Variants in ROR1 observed in about 807,000 individuals in gnomAD.
ROR1 encodes inactive tyrosine-protein kinase transmembrane receptor ROR1.
Under a neutral mutation model 78.8 loss-of-function variants are expected in ROR1, and 19 were observed. The ratio of observed to expected loss-of-function variants is 0.24; its 90% CI spans 0.17 to 0.35. The LOEUF is 0.35. Among genes scored for constraint, ROR1 ranks in the 10% least tolerant of loss-of-function variants. ROR1 has a pLI of 1.00. For missense variants in ROR1, 917 were observed against 1,177.8 expected (o/e 0.78, Z 3.24); for synonymous variants, 386 against 433.6 (o/e 0.89, Z 1.36).
chr1:63,980,738 A>G lies in ROR1; in HGVS notation c.92-28567A>G, dbSNP rs553722372. Among the ~76,000 whole-genome samples the G allele has an allele frequency of 3.3e-5, 5 of 152,358 alleles. No individual in the cohort carries two copies. In the South Asian group the frequency reaches 1.0e-3, roughly 32 times the overall value. On this transcript the variant is annotated intron_variant, in intron 1 of 8. Transcript: ENST00000371079. ...CTTGGGTTTAGCCACAGGGGATGGA[A>G]GATGGCCTTAGCCACATGGCTGTGG...
intron 4 of ROR1, chr1:64,095,049 A>G (rs1412537812): frequency 6.6e-6 from 1 of 152,208 alleles, no homozygotes; most frequent in Non-Finnish European, 1.5e-5. Flanking sequence ...CAGTGCTGCC[A>G]TGATTGGAGT....
At chr1:63,907,071 A>G (rs1645535135) in intron 1 of ROR1, among the ~76,000 whole-genome samples, 1 of 152,238 alleles carries the variant, frequency 6.6e-6, no homozygotes. Flanking sequence ...AAATGGTTTA[A>G]AAGGCAAAAT....
chr1:64,013,028 C>A (rs911312868), intron 2 of ROR1, among the ~76,000 whole-genome samples: 1 of 152,128 alleles, frequency 6.6e-6, no homozygotes, highest in Admixed American at 6.6e-5. Flanking sequence ...TCCTGTGTGA[C>A]TTTTAGCAAG....
intron 1 of ROR1, among the ~76,000 whole-genome samples, chr1:64,002,290 C>G (rs777857530): frequency 1.3e-5 from 2 of 152,046 alleles, no homozygotes; most frequent in African/African-American, 4.8e-5. Context: ...TGCACCACCA[C>G]GCCCAGCTAA....
At chr1:63,865,615 G>A (rs1645210474) in intron 1 of ROR1, among the ~76,000 whole-genome samples, 1 of 152,134 alleles carries the variant, frequency 6.6e-6, no homozygotes, top group Non-Finnish European at 1.5e-5. Context: ...TGAGGAGTGA[G>A]GTCAGGCATG....
intron 1 of ROR1, among the ~76,000 whole-genome samples, chr1:63,998,703 A>G (rs834479): frequency 9.1e-4 from 138 of 152,298 alleles, no homozygotes; most frequent in African/African-American, 3.2e-3. Flanking sequence ...TTCCCAGCAG[A>G]TATTTATGTT....
At chr1:64,022,767 C>T (rs774634186) in intron 2 of ROR1, among the ~76,000 whole-genome samples, 1 of 152,032 alleles carries the variant, frequency 6.6e-6, no homozygotes, top group Non-Finnish European at 1.5e-5. Flanking sequence ...CATCAAGAAA[C>T]AGTAGGTGAT....
rs373917227 is a variant in ROR1 at position 64,101,250 on chromosome 1, C to G, written c.483-36119C>G. 5.3e-5 allele frequency among the ~76,000 whole-genome samples: 8 copies of G among 152,138 alleles called. 1 individual carries two copies. The highest frequency in any genetic ancestry group is 7.2e-5 in the African/African-American group (3 of 41,504). ...ACATCAAGGGACTCCATGCCTGAGG[C>G]CGTGGAGAGGCTAATAGTGCCACGG... On this transcript the variant is annotated intron_variant, in intron 4 of 8. Transcript: ENST00000371079.
At chr1:64,068,778 TAGG>T (rs1023753952) in intron 4 of ROR1, among the ~76,000 whole-genome samples, 3 of 152,154 alleles carry the variant, frequency 2.0e-5, no homozygotes, top group Admixed American at 1.3e-4. Flanking sequence ...TTGACAGATG[TAGG>T]AGATTATAAA....
intron 4 of ROR1, among the ~76,000 whole-genome samples, chr1:64,060,466 T>C (rs1317900191): frequency 6.6e-6 from 1 of 152,234 alleles, no homozygotes; most frequent in Non-Finnish European, 1.5e-5. Context: ...AGTGACCAGC[T>C]TTTGATGAAC....
intron 1 of ROR1, among the ~76,000 whole-genome samples, chr1:63,864,051 GTGT>G: frequency 6.6e-6 from 1 of 152,278 alleles, no homozygotes; most frequent in Non-Finnish European, 1.5e-5. Context: ...TGATAGGTAA[GTGT>G]TGTTTTAAGT....
At chr1:63,860,809 G>A (rs1321188299) in intron 1 of ROR1, among the ~76,000 whole-genome samples, 1 of 151,618 alleles carries the variant, frequency 6.6e-6, no homozygotes, top group East Asian at 1.9e-4. Context: ...AGAATGGAAG[G>A]GTACAATCTG....
chr1:64,137,861 G>A lies in ROR1; in HGVS notation c.610+365G>A, dbSNP rs1265785732. Reference sequence around the variant, plus strand: ...TACTGTTTAGAAGCAACATGATGTCGACTGAGAGGGGATGAATTTAGAGTT... The same window carrying A: ...TACTGTTTAGAAGCAACATGATGTCAACTGAGAGGGGATGAATTTAGAGTT... On this transcript the variant is annotated intron_variant, in intron 5 of 8. Coordinates refer to ENST00000371079, the MANE Select transcript of ROR1 (RefSeq NM_005012.4). Among the ~76,000 whole-genome samples, 4 of 152,208 alleles carry A rather than the reference G, an allele frequency of 2.6e-5. No homozygotes were observed. In the East Asian group the frequency reaches 5.8e-4, roughly 22 times the overall value.
intron 1 of ROR1, among the ~76,000 whole-genome samples, chr1:63,818,340 T>C (rs962495801): frequency 6.6e-6 from 1 of 152,222 alleles, no homozygotes; most frequent in African/African-American, 2.4e-5. Flanking sequence ...GGCTCTTTGG[T>C]AGAATGAGCA....
intron 4 of ROR1, among the ~76,000 whole-genome samples, chr1:64,093,445 C>T (rs942801077): frequency 6.6e-6 from 1 of 152,066 alleles, no homozygotes; most frequent in Non-Finnish European, 1.5e-5. Context: ...AAACAGCAAA[C>T]CTTTTCTTTC....
chr1:64,178,912 AT>A lies in ROR1; in HGVS notation c.*60del. 7.8e-7 allele frequency: 1 copy of A among 1,286,332 alleles called. No homozygotes were observed. The highest frequency in any genetic ancestry group is 1.1e-6 in the Non-Finnish European group (1 of 925,796). The allele number at this position is 1,286,332 out of a possible 1,614,324, so 79.7% of individuals were successfully genotyped here. On this transcript the variant is annotated 3_prime_UTR_variant, in exon 9 of 9. Coordinates refer to ENST00000371079, the MANE Select transcript of ROR1 (RefSeq NM_005012.4). This position sits in a 1 kb window ranked among gnomAD's most constrained non-coding sequence, Gnocchi z 4.3. ...GACAAACTAGACGGCCGTAGAAAAG[AT>A]TTATATTCAAATGTTTTTATTAAAG...
At chr1:64,125,927 A>G (rs976649696) in intron 4 of ROR1, among the ~76,000 whole-genome samples, 3 of 152,180 alleles carry the variant, frequency 2.0e-5, no homozygotes, top group Admixed American at 2.0e-4. Flanking sequence ...CATTACTACT[A>G]CATGGAAAAG....
intron 4 of ROR1, among the ~76,000 whole-genome samples, chr1:64,097,214 G>GTGACT (rs1647333116): frequency 3.8e-5 from 4 of 105,426 alleles, no homozygotes; most frequent in Non-Finnish European, 5.3e-5. Context: ...GGCTTTAGAG[G>GTGACT]TGACTTGCAT....
chr1:63,957,337 G>A (rs1200834565), intron 1 of ROR1, among the ~76,000 whole-genome samples: 1 of 152,194 alleles, frequency 6.6e-6, no homozygotes, highest in Non-Finnish European at 1.5e-5. Flanking sequence ...GTGGGAAGTA[G>A]GGTACATGCT....
Sources: gnomAD v4.1 joint callset for allele counts (sites outside exome capture counted in the v4.1 genomes callset) on GRCh38, gnomAD v4.1.1 for gene constraint, Gnocchi (gnomAD v3.1) non-coding constraint, MANE v1.5 for transcripts, NCBI Gene and HGNC (gene_info 2026-07-23, HGNC 2026-07-21) for gene names.